The following SCP2 variants were observed in gnomAD, a reference collection of about 807,000 sequenced individuals.
SCP2 encodes the protein sterol carrier protein 2.
In SCP2, 48 loss-of-function variants were observed where a neutral mutation model predicts 71.4. That is an observed-to-expected ratio of 0.67 (90% CI 0.53 to 0.86). The LOEUF (loss-of-function observed/expected upper bound fraction) is 0.86. Among genes scored for constraint, SCP2 ranks in the 40% least tolerant of loss-of-function variants. The pLI is 0.00. For missense variants in SCP2, 560 were observed against 655.6 expected (o/e 0.85, Z 1.59); for synonymous variants, 220 against 218.1 (o/e 1.01, Z -0.08).
chr1:53,019,524 A>G (rs1276914102), intron 12 of SCP2, among the ~76,000 whole-genome samples: 1 of 152,144 alleles, frequency 6.6e-6, no homozygotes, highest in Non-Finnish European at 1.5e-5. Flanking sequence ...GCGCAAGAAG[A>G]TATTCCAGGC....
intron 13 of SCP2, among the ~76,000 whole-genome samples, chr1:53,031,489 T>A (rs1662542532): frequency 6.6e-6 from 1 of 152,242 alleles, no homozygotes; most frequent in Admixed American, 6.5e-5. Context: ...CTTTTGTCTT[T>A]GTTAGCAATT....
At chr1:52,985,131 C>T (rs563823973) in intron 10 of SCP2, among the ~76,000 whole-genome samples, 5 of 152,294 alleles carry the variant, frequency 3.3e-5, no homozygotes, top group South Asian at 4.1e-4. Flanking sequence ...GTGTGAGCCA[C>T]CAGGCCTGGC....
In SCP2 at chr1:52,950,619, G is replaced by A. The variant is rs927246426; in HGVS notation, c.200-136G>A. ...GTAAATGATGGTTAGTGTTAAAACT[G>A]TTTCTAAGATATTTACTGTCTTGCA... On this transcript the variant is annotated intron_variant, in intron 3 of 15. Coordinates refer to ENST00000371514, the MANE Select transcript of SCP2 (RefSeq NM_002979.5). The A allele has an allele frequency of 2.3e-5, 16 of 703,650 alleles. 1 individual carries two copies. Among genetic ancestry groups the A allele is most frequent in the East Asian group, 1.9e-4 (7 of 36,002 alleles). The allele number at this position is 703,650 out of a possible 1,614,324, so 43.6% of individuals were successfully genotyped here. A position where few individuals can be genotyped will look rare whatever the true frequency, so the allele number is the denominator to read the frequency against.
At chr1:52,967,808 C>A (rs1211002895) in intron 6 of SCP2, among the ~76,000 whole-genome samples, 1 of 152,174 alleles carries the variant, frequency 6.6e-6, no homozygotes, top group Non-Finnish European at 1.5e-5. Flanking sequence ...CAGGTACACA[C>A]AATTGCTTTC....
chr1:53,011,508 A>G (rs1431959809), intron 11 of SCP2, among the ~76,000 whole-genome samples: 3 of 152,366 alleles, frequency 2.0e-5, no homozygotes, highest in Middle Eastern at 3.4e-3. Flanking sequence ...ACCCTTATGT[A>G]TGTAGCTGAG....
chr1:52,962,277 A>G (rs964964534), intron 6 of SCP2, among the ~76,000 whole-genome samples: 1 of 152,162 alleles, frequency 6.6e-6, no homozygotes, highest in Non-Finnish European at 1.5e-5. Flanking sequence ...CTCTACATTC[A>G]ATATATCAGC....
intron 10 of SCP2, among the ~76,000 whole-genome samples, chr1:52,982,731 G>A (rs7555228): frequency 2.0e-5 from 3 of 151,878 alleles, no homozygotes; most frequent in Non-Finnish European, 4.4e-5. Flanking sequence ...CCCCTTTGCC[G>A]TACACTGTCC....
intron 12 of SCP2, among the ~76,000 whole-genome samples, chr1:53,017,709 A>C (rs181200598): frequency 6.6e-6 from 1 of 152,332 alleles, no homozygotes; most frequent in East Asian, 1.9e-4. Context: ...AAGAAGTTAA[A>C]TTAGAAGTAA....
intron 6 of SCP2, among the ~76,000 whole-genome samples, chr1:52,964,069 G>A (rs1366887834): frequency 6.6e-6 from 1 of 151,832 alleles, no homozygotes; most frequent in East Asian, 1.9e-4. Flanking sequence ...AAGGAAAACT[G>A]AATATTGTAA....
chr1:52,934,115 T>A (rs1256154534), intron 1 of SCP2, among the ~76,000 whole-genome samples: 1 of 152,232 alleles, frequency 6.6e-6, no homozygotes, highest in Non-Finnish European at 1.5e-5. Flanking sequence ...ACATTTTACT[T>A]GAGAGAACAA....
At chr1:52,960,658 GTA>G (rs200442130) in intron 5 of SCP2, among the ~76,000 whole-genome samples, 2,670 of 144,890 alleles carry the variant, frequency 0.018, 30 homozygotes, top group Non-Finnish European at 0.027. Context: ...GTATATATGT[GTA>G]TATATATGTA....
chr1:53,037,140 A>T (rs1032211504), intron 13 of SCP2, among the ~76,000 whole-genome samples: 11 of 152,214 alleles, frequency 7.2e-5, no homozygotes, highest in African/African-American at 2.4e-4. Context: ...CTGTCTCAAA[A>T]AATAATAATA....
rs1257480181 is a variant in SCP2 at position 53,030,831 on chromosome 1, C to T, written c.1338+2760C>T. 2.7e-5 allele frequency among the ~76,000 whole-genome samples: 4 copies of T among 147,960 alleles called. No homozygotes were observed. The South Asian group carries it at 6.5e-4, about 24-fold the overall frequency. The stretch of plus-strand genomic sequence containing the variant: ...AGGAGAATCGCTTGAACCTGGAAGG[C>T]GGAGGTTGCAGTGAGCCAAGATCAC... On this transcript the variant is annotated intron_variant, in intron 13 of 15. Coordinates refer to ENST00000371514, the MANE Select transcript of SCP2 (RefSeq NM_002979.5).
At chr1:53,043,897 G>A (rs531530741) in intron 14 of SCP2, among the ~76,000 whole-genome samples, 1 of 152,138 alleles carries the variant, frequency 6.6e-6, no homozygotes, top group Non-Finnish European at 1.5e-5. Flanking sequence ...CTTTTTTCGA[G>A]TATTAAGAGA....
chr1:53,008,054 A>G (rs1189127566), intron 11 of SCP2, among the ~76,000 whole-genome samples: 1 of 152,200 alleles, frequency 6.6e-6, no homozygotes, highest in Non-Finnish European at 1.5e-5. Flanking sequence ...TCCTGGACAC[A>G]TACACCCTCC....
Position 52,941,867 on chromosome 1 carries a change from T to C in SCP2, c.127+14T>C, listed in dbSNP as rs1654283411. The C allele has an allele frequency of 6.3e-7, 1 of 1,577,150 alleles. No homozygotes were observed. Among genetic ancestry groups the C allele is most frequent in the African/African-American group, 1.3e-5 (1 of 74,268 alleles). ...CAGAAGAAGCAGGTAACATAGAACA[T>C]TTAGATCTTTGAACATTCATAGTTT... On this transcript the variant is annotated intron_variant, in intron 2 of 15. Transcript: ENST00000371514.
chr1:52,927,507 G>A (rs1031845989), intron 1 of SCP2, 42 bp downstream of exon 1: 22 of 1,468,680 alleles, frequency 1.5e-5, no homozygotes, highest in Non-Finnish European at 2.1e-5. Context: ...GAGGCTCGGG[G>A]GCGGTCGGTG....
chr1:52,998,490 A>C lies in SCP2; in HGVS notation c.1081+10354A>C, dbSNP rs572227456. Among the ~76,000 whole-genome samples the C allele has an allele frequency of 3.0e-3, 460 of 152,038 alleles. 4 individuals carry two copies. The highest frequency in any genetic ancestry group is 4.2e-3 in the Non-Finnish European group (284 of 67,982). On this transcript the variant is annotated intron_variant, in intron 11 of 15. Transcript: ENST00000371514. ...ATGCACCTGTAGTCTCAGCTACCCA[A>C]GAGGCCGAGGTAGGGGGATTGCTTG...
At chr1:52,989,869 A>G (rs1659317309) in intron 11 of SCP2, among the ~76,000 whole-genome samples, 4 of 152,194 alleles carry the variant, frequency 2.6e-5, no homozygotes, top group Non-Finnish European at 2.9e-5. Context: ...CTAATGGCGT[A>G]TATAAGGTCA....
Sources: allele counts gnomAD v4.1 joint callset (sites outside exome capture counted in the v4.1 genomes callset), GRCh38; gene constraint gnomAD v4.1.1; transcripts MANE v1.5; gene names NCBI Gene and HGNC (gene_info 2026-07-23, HGNC 2026-07-21).